Variants in SUGCT observed in about 807,000 individuals in gnomAD.
SUGCT encodes the protein succinyl-CoA:glutarate CoA-transferase.
A neutral mutation model predicts 55.0 loss-of-function variants in SUGCT; 41 were observed. The observed-to-expected ratio is 0.74, with a 90% CI of 0.58 to 0.97. SUGCT has a LOEUF of 0.97. Among genes scored for constraint, SUGCT ranks in the 50% least tolerant of loss-of-function variants. The pLI, the probability that SUGCT is intolerant of heterozygous loss-of-function variation, is 0.00. For synonymous variants in SUGCT, 187 were observed against 200.4 expected (o/e 0.93, Z 0.56); for missense variants, 568 against 547.8 (o/e 1.04, Z -0.37).
chr7:40,540,759 G>T (rs1264297751), intron 12 of SUGCT, among the ~76,000 whole-genome samples: 1 of 152,200 alleles, frequency 6.6e-6, no homozygotes, highest in Non-Finnish European at 1.5e-5. Context: ...ATGGGACCGA[G>T]GAGACTGATT....
At chr7:40,586,041 T>A (rs1002440017) in intron 12 of SUGCT, among the ~76,000 whole-genome samples, 3 of 152,138 alleles carry the variant, frequency 2.0e-5, no homozygotes, top group African/African-American at 7.2e-5. Context: ...TTGGTAATCA[T>A]TTCTTCTTTT....
At chr7:40,672,802 T>C (rs1348911795) in intron 12 of SUGCT, among the ~76,000 whole-genome samples, 1 of 152,228 alleles carries the variant, frequency 6.6e-6, no homozygotes. Context: ...AATAAAAATT[T>C]CAATAATTTT....
At chr7:40,475,331 G>T (rs1033837765) in intron 11 of SUGCT, among the ~76,000 whole-genome samples, 1 of 152,120 alleles carries the variant, frequency 6.6e-6, no homozygotes, top group African/African-American at 2.4e-5. Flanking sequence ...AGCTCTGGTT[G>T]TATTATTTGA....
the SUGCT span, among the ~76,000 whole-genome samples, chr7:41,017,050 A>C: frequency 6.6e-6 from 1 of 152,218 alleles, no homozygotes; most frequent in Non-Finnish European, 1.5e-5. Context: ...TCTTTGAGCC[A>C]CGTTACTCAG....
intron 12 of SUGCT, among the ~76,000 whole-genome samples, chr7:40,621,000 G>A (rs1047189217): frequency 6.6e-6 from 1 of 152,136 alleles, no homozygotes; most frequent in African/African-American, 2.4e-5. Context: ...AGAGGAGGAT[G>A]TTTTGCATTT....
chr7:40,989,235 C>T, the SUGCT span, among the ~76,000 whole-genome samples: 1 of 152,166 alleles, frequency 6.6e-6, no homozygotes, highest in Admixed American at 6.6e-5. Flanking sequence ...TTCTCTGTAA[C>T]ATGTGATACT....
In SUGCT at chr7:40,189,553, G is replaced by T; in HGVS notation, c.322G>T (p.Val108Phe). 2 of 1,324,170 alleles carry T rather than the reference G, an allele frequency of 1.5e-6. No individual in the cohort carries two copies. Among genetic ancestry groups the T allele is most frequent in the African/African-American group, 1.5e-5 (1 of 66,526 alleles). The allele number at this position is 1,324,170 out of a possible 1,614,324, so 82.0% of individuals were successfully genotyped here. ...ATTTTTTAATTTTTAGAGTATTGCT[G>T]TTAATATCAAGGATCCAAAAGGGGT... Reference protein sequence around the residue: ...SVNRNKKSIAVNIKDPKGVKI... With the variant: ...SVNRNKKSIAFNIKDPKGVKI... Residue 108 changes from valine (V) to phenylalanine (F), a missense_variant, in exon 5 of 14, where the codon GTT (valine) becomes TTT (phenylalanine). Val to Phe is a conservative substitution (Grantham distance 50). Coordinates refer to ENST00000335693, the MANE Select transcript of SUGCT (RefSeq NM_001193313.2).
chr7:40,324,261 A>ATATATATTTATTTATT (rs377215730), intron 9 of SUGCT, among the ~76,000 whole-genome samples: 52 of 99,968 alleles, frequency 5.2e-4, no homozygotes, highest in East Asian at 2.0e-3. Context: ...AAATATATAT[A>ATATATATTTATTTATT]TATTTATTTT....
At chr7:40,684,060 CTG>C in intron 12 of SUGCT, 2 of 1,612,414 alleles carry the variant, frequency 1.2e-6, no homozygotes, top group South Asian at 2.2e-5. Context: ...CAATAGAACG[CTG>C]TCTCTGGCTT....
chr7:40,805,586 T>C (rs116695630), intron 13 of SUGCT, among the ~76,000 whole-genome samples: 82 of 152,350 alleles, frequency 5.4e-4, no homozygotes, highest in African/African-American at 2.0e-3. Flanking sequence ...TCCTTGAGTT[T>C]AGTTAGAAAG....
intron 9 of SUGCT, among the ~76,000 whole-genome samples, chr7:40,330,185 T>C (rs1796235987): frequency 6.6e-6 from 1 of 152,158 alleles, no homozygotes; most frequent in Non-Finnish European, 1.5e-5. Flanking sequence ...GCCTCTAAGA[T>C]GTGATTGTTG....
intron 12 of SUGCT, among the ~76,000 whole-genome samples, chr7:40,711,896 A>T (rs557786327): frequency 6.6e-6 from 1 of 152,346 alleles, no homozygotes; most frequent in South Asian, 2.1e-4. Context: ...TGTACAGAAC[A>T]GGATGACTGG....
chr7:40,477,014 A>C (rs533332577), intron 11 of SUGCT, among the ~76,000 whole-genome samples: 1 of 152,094 alleles, frequency 6.6e-6, no homozygotes, highest in Non-Finnish European at 1.5e-5. Flanking sequence ...CAACATTTAA[A>C]CTAGTTTTTG....
At chr7:40,776,381 T>G (rs1789454476) in intron 13 of SUGCT, among the ~76,000 whole-genome samples, 2 of 152,216 alleles carry the variant, frequency 1.3e-5, no homozygotes, top group Admixed American at 1.3e-4. Flanking sequence ...TTTTTTTGTT[T>G]GTATTTTAGG....
intron 7 of SUGCT, among the ~76,000 whole-genome samples, chr7:40,263,796 T>TG (rs1296485097): frequency 6.6e-6 from 1 of 152,200 alleles, no homozygotes; most frequent in African/African-American, 2.4e-5. Context: ...CTGGCTAATA[T>TG]GGTGAGTCCA....
At chr7:41,034,024 C>G in the SUGCT span, among the ~76,000 whole-genome samples, 1 of 152,188 alleles carries the variant, frequency 6.6e-6, no homozygotes, top group South Asian at 2.1e-4. Flanking sequence ...ATGAACCTAT[C>G]AATGTTGTCC....
intron 9 of SUGCT, among the ~76,000 whole-genome samples, chr7:40,445,610 C>T (rs1788784242): frequency 6.6e-6 from 1 of 152,028 alleles, no homozygotes; most frequent in African/African-American, 2.4e-5. Context: ...GTATTCCAAA[C>T]AATTGAAAAA....
the SUGCT span, among the ~76,000 whole-genome samples, chr7:40,899,459 A>G: frequency 5.3e-5 from 8 of 152,216 alleles, no homozygotes; most frequent in South Asian, 4.1e-4. Flanking sequence ...TGTGAAGCAT[A>G]TAAAAAGACA....
intron 9 of SUGCT, among the ~76,000 whole-genome samples, chr7:40,361,577 A>C (rs900496255): frequency 6.6e-6 from 1 of 151,936 alleles, no homozygotes; most frequent in Non-Finnish European, 1.5e-5. Context: ...CCATCTCAAA[A>C]AGAAAAAAAA....
Sources: allele counts gnomAD v4.1 joint callset (sites outside exome capture counted in the v4.1 genomes callset), GRCh38; gene constraint gnomAD v4.1.1; transcripts MANE v1.5; gene names NCBI Gene and HGNC (gene_info 2026-07-23, HGNC 2026-07-21).